The following NRG1 variants were observed in gnomAD, a reference collection of about 807,000 sequenced individuals.
NRG1 encodes pro-neuregulin-1, membrane-bound isoform.
Under a neutral mutation model 63.8 loss-of-function variants are expected in NRG1, and 18 were observed. The observed-to-expected ratio is 0.28, with a 90% CI of 0.19 to 0.42. The LOEUF (loss-of-function observed/expected upper bound fraction) is 0.42, where lower values mean the gene tolerates loss of function less well. Ranked by LOEUF, NRG1 falls within the 10% of genes least tolerant of loss-of-function variation. The pLI is 1.00. For synonymous variants in NRG1, 302 were observed against 301.3 expected (o/e 1.00, Z -0.02); for missense variants, 762 against 814.7 (o/e 0.94, Z 0.79).
intron 1 of NRG1, among the ~76,000 whole-genome samples, chr8:31,648,333 C>A (rs996685406): frequency 6.6e-6 from 1 of 151,762 alleles, no homozygotes; most frequent in African/African-American, 2.4e-5. Context: ...GGGGTTTCAC[C>A]GTGTTAGCCA....
At chr8:32,366,557 T>C (rs1332449631) in intron 1 of NRG1, among the ~76,000 whole-genome samples, 1 of 151,602 alleles carries the variant, frequency 6.6e-6, no homozygotes, top group Admixed American at 6.6e-5. Context: ...TAGTAATCCA[T>C]TGTATGTATA....
chr8:31,928,353 A>T (rs75513816), intron 1 of NRG1, among the ~76,000 whole-genome samples: 19 of 1,746 alleles, frequency 0.011, no homozygotes, highest in Admixed American at 0.018. Context: ...TGGATGTGGT[A>T]AAAAAAAAAA....
chr8:31,868,522 GACCTGATTGTCT>G (rs1829195758), intron 1 of NRG1, among the ~76,000 whole-genome samples: 1 of 152,078 alleles, frequency 6.6e-6, no homozygotes, highest in Non-Finnish European at 1.5e-5. Context: ...ATTTGTCAGT[GACCTGATTGTCT>G]TATTGCCCTA....
In NRG1 at chr8:32,156,681, T is replaced by A. The variant is rs77635000; in HGVS notation, c.38-439147T>A. Among the ~76,000 whole-genome samples, 363 of 152,366 alleles carry A rather than the reference T, an allele frequency of 2.4e-3. 5 individuals are homozygous for A. The highest frequency in any genetic ancestry group is 8.3e-3 in the African/African-American group (347 of 41,582). Reference sequence around the variant, plus strand: ...AAAGAATAAAGCTGGCAAGCACTGATGTGCCTAACAGGATAGGAAGTTCAG... The same window carrying A: ...AAAGAATAAAGCTGGCAAGCACTGAAGTGCCTAACAGGATAGGAAGTTCAG... On this transcript the variant is annotated intron_variant, in intron 1 of 10. Coordinates refer to the NRG1 transcript ENST00000519301.
intron 1 of NRG1, among the ~76,000 whole-genome samples, chr8:32,405,998 G>A (rs1813922722): frequency 6.6e-6 from 1 of 152,144 alleles, no homozygotes; most frequent in South Asian, 2.1e-4. Flanking sequence ...GTAATCCTAA[G>A]ATAGCTCTTC....
At chr8:31,800,190 CAA>C (rs1563416706) in intron 1 of NRG1, among the ~76,000 whole-genome samples, 1 of 151,996 alleles carries the variant, frequency 6.6e-6, no homozygotes, top group East Asian at 1.9e-4. Context: ...ATGATCATAA[CAA>C]AAAAAGCAAT....
At chr8:32,486,396 A>G (rs1363355329) in intron 1 of NRG1, among the ~76,000 whole-genome samples, 1 of 152,182 alleles carries the variant, frequency 6.6e-6, no homozygotes, top group Non-Finnish European at 1.5e-5. Flanking sequence ...CCATAAATGC[A>G]ATGAAACTCT....
At chr8:32,756,585 C>A in intron 9 of NRG1, 56 bp downstream of exon 9, 1 of 1,525,022 alleles carries the variant, frequency 6.6e-7, no homozygotes, top group Non-Finnish European at 8.8e-7. Context: ...GTTCAGACGC[C>A]TTGAAGTTTA....
intron 1 of NRG1, among the ~76,000 whole-genome samples, chr8:32,297,505 G>T (rs1443908397): frequency 6.6e-6 from 1 of 152,178 alleles, no homozygotes; most frequent in Non-Finnish European, 1.5e-5. Flanking sequence ...AAAATGCTTG[G>T]CTGGCTCTTA....
At chr8:32,512,459 C>G (rs1246368387) in intron 1 of NRG1, among the ~76,000 whole-genome samples, 1 of 152,144 alleles carries the variant, frequency 6.6e-6, no homozygotes, top group Non-Finnish European at 1.5e-5. Context: ...ACTACTTATA[C>G]CTTTGTTAGC....
intron 1 of NRG1, among the ~76,000 whole-genome samples, chr8:32,240,878 T>G (rs773444684): frequency 2.6e-5 from 4 of 152,052 alleles, no homozygotes; most frequent in Non-Finnish European, 5.9e-5. Context: ...AAGCTTTAAC[T>G]GACCACTCTT....
At chr8:32,419,013 A>G (rs920009690) in intron 1 of NRG1, among the ~76,000 whole-genome samples, 8 of 152,214 alleles carry the variant, frequency 5.3e-5, no homozygotes, top group African/African-American at 1.9e-4. Context: ...TGAGTTGGAA[A>G]TCATCATGGA....
intron 1 of NRG1, among the ~76,000 whole-genome samples, chr8:32,418,782 G>A (rs1816293079): frequency 6.6e-6 from 1 of 152,096 alleles, no homozygotes. Context: ...ATTACTCTAA[G>A]ATTGTTCTTA....
At chr8:32,316,144 A>G (rs1482047672) in intron 1 of NRG1, among the ~76,000 whole-genome samples, 1 of 152,206 alleles carries the variant, frequency 6.6e-6, no homozygotes, top group Non-Finnish European at 1.5e-5. Flanking sequence ...ACATTCATGT[A>G]TCTAGAAACT....
intron 1 of NRG1, among the ~76,000 whole-genome samples, chr8:31,813,516 C>CTTTTTTTTTTTT (rs377718067): frequency 1.8e-4 from 18 of 101,214 alleles, no homozygotes; most frequent in African/African-American, 4.0e-4. Flanking sequence ...CTTTTCTTTT[C>CTTTTTTTTTTTT]TTTTTTTTTT....
intron 1 of NRG1, among the ~76,000 whole-genome samples, chr8:32,140,039 G>A (rs969212518): frequency 6.6e-6 from 1 of 152,116 alleles, no homozygotes; most frequent in Non-Finnish European, 1.5e-5. Flanking sequence ...CCCCTGCCTG[G>A]CACATTGACC....
intron 1 of NRG1, among the ~76,000 whole-genome samples, chr8:31,851,192 A>C (rs1252451381): frequency 1.3e-5 from 2 of 152,202 alleles, no homozygotes; most frequent in African/African-American, 2.4e-5. Context: ...CAAATCCTTC[A>C]ATCTATATTG....
intron 1 of NRG1, among the ~76,000 whole-genome samples, chr8:32,232,638 C>T (rs971191628): frequency 7.9e-5 from 12 of 152,094 alleles, no homozygotes; most frequent in African/African-American, 2.4e-4. Context: ...TCATTTCAGA[C>T]GATTTTTGCT....
intron 1 of NRG1, among the ~76,000 whole-genome samples, chr8:32,072,259 T>A (rs7003757): frequency 0.98 from 145,009 of 148,634 alleles, 70,798 homozygotes; most frequent in East Asian, 1. Flanking sequence ...CTAAAAAAAA[T>A]AAGAAACCCA....
Sources: allele counts gnomAD v4.1 joint callset (sites outside exome capture counted in the v4.1 genomes callset), GRCh38; gene constraint gnomAD v4.1.1; transcripts MANE v1.5; gene names NCBI Gene and HGNC (gene_info 2026-07-23, HGNC 2026-07-21).